The following ACE variants were observed in gnomAD, a reference collection of about 807,000 sequenced individuals.
The protein encoded by ACE is angiotensin-converting enzyme.
Under a neutral mutation model 162.3 loss-of-function variants are expected in ACE, and 122 were observed. The ratio of observed to expected loss-of-function variants is 0.75; its 90% CI spans 0.65 to 0.87. The LOEUF is 0.87. Ranked by LOEUF, ACE falls within the 40% of genes least tolerant of loss-of-function variation. The probability of loss-of-function intolerance (pLI) is 0.00; values close to 1 mark genes in which losing one functional copy is unlikely to be tolerated. For synonymous variants in ACE, 796 were observed against 720.6 expected, an observed-to-expected ratio of 1.10 and a Z score of -1.68; for missense variants, 1,799 against 1,735.1, an observed-to-expected ratio of 1.04 and a Z score of -0.65.
chr17:63,477,449 A>ACCCCGACCCCGGACCCTCG (rs1298995166), intron 1 of ACE, 106 bp downstream of exon 1: 7 of 903,134 alleles, frequency 7.8e-6, no homozygotes, highest in Non-Finnish European at 2.7e-6. Context: ...CCCGAACCCC[A>ACCCCGACCCCGGACCCTCG]CCCCGACCCC....
intron 17 of ACE, chr17:63,490,596 T>C: frequency 2.9e-6 from 1 of 343,898 alleles, no homozygotes. Context: ...ACAATGTTCT[T>C]GGTGCAGAGC....
intron 9 of ACE, 60 bp downstream of exon 9, chr17:63,483,233 C>G: frequency 1.9e-6 from 3 of 1,611,202 alleles, no homozygotes; most frequent in Non-Finnish European, 1.7e-6. Context: ...TCCTGGACAG[C>G]CAGGCGCCTC....
chr17:63,482,030 G>A (rs1438654326), intron 7 of ACE, among the ~76,000 whole-genome samples: 1 of 152,162 alleles, frequency 6.6e-6, no homozygotes, highest in African/African-American at 2.4e-5. Flanking sequence ...AGGCACGGTG[G>A]TCACACCTGT....
At position 63,477,350 on chromosome 17, in the gene ACE, GC is replaced by G; in HGVS notation, c.249+10del. The G allele has an allele frequency of 7.9e-7, 1 of 1,264,888 alleles. No homozygotes were observed. 78.4% of individuals were successfully genotyped at this position (1,264,888 alleles called of 1,614,324 possible). The stretch of plus-strand genomic sequence containing the variant: ...GGAGAATGCAAGGCGCCAGGTGGGC[GC>G]CCGGGCCCGGGCGGGGGCGGGGCGG... On this transcript the variant is annotated splice_region_variant and intron_variant, in intron 1 of 24. Coordinates refer to ENST00000290866, the MANE Select transcript of ACE (RefSeq NM_000789.4).
intron 8 of ACE, 100 bp from the exon 9 acceptor site, chr17:63,482,929 T>C: frequency 7.6e-7 from 1 of 1,323,976 alleles, no homozygotes. Context: ...TCTCTGCATC[T>C]CCCTGGCCTC....
At chr17:63,487,575 C>T (rs2030043234) in intron 15 of ACE, among the ~76,000 whole-genome samples, 1 of 152,182 alleles carries the variant, frequency 6.6e-6, no homozygotes, top group African/African-American at 2.4e-5. Flanking sequence ...CTCTCACTTC[C>T]CTCACCTACC....
chr17:63,480,012 C>G, intron 4 of ACE, 100 bp downstream of exon 4: 1 of 1,491,034 alleles, frequency 6.7e-7, no homozygotes, highest in Non-Finnish European at 9.0e-7. Context: ...GCTGGTATGA[C>G]AATTCCAGCA....
chr17:63,478,180 G>A lies in ACE; in HGVS notation c.417+82G>A, dbSNP rs749921989. On this transcript the variant is annotated intron_variant, in intron 2 of 24. Transcript: ENST00000290866. ...GGTCGGGGGAGAGCAGCCCATCAGG[G>A]AGGGAGGAACCCTGGGATCCACATG... is the stretch of plus-strand genomic sequence containing the variant. 891 of 1,518,220 alleles carry A rather than the reference G, an allele frequency of 5.9e-4. 1 individual carries two copies. The highest frequency in any genetic ancestry group is 7.4e-4 in the Non-Finnish European group (831 of 1,126,390). The allele number at this position is 1,518,220 out of a possible 1,614,324, so 94.0% of individuals were successfully genotyped here.
At position 63,491,092 on chromosome 17, in the gene ACE, G is replaced by C; in HGVS notation, c.2739+41G>C. On this transcript the variant is annotated intron_variant, in intron 18 of 24. Transcript: ENST00000290866. This position sits in a 1 kb window ranked among gnomAD's most constrained non-coding sequence, Gnocchi z 4.4. The stretch of plus-strand genomic sequence containing the variant: ...GGGGCAGGGAGGCCCCGCCGGGATG[G>C]GAGGGACCCTCTGATTCAGGAGTTC... The C allele has an allele frequency of 6.2e-7, 1 of 1,612,614 alleles. No homozygotes were observed.
intron 22 of ACE, chr17:63,496,126 C>A: frequency 2.0e-6 from 1 of 509,142 alleles, no homozygotes; most frequent in Non-Finnish European, 3.6e-6. Context: ...TGCCCTGACC[C>A]CATGGAGCAG....
At position 63,491,513 on chromosome 17, in the gene ACE, C is replaced by G. The variant is rs1305177846; in HGVS notation, c.2912+132C>G. 3.3e-6 allele frequency: 4 copies of G among 1,217,430 alleles called. No homozygotes were observed. The highest frequency in any genetic ancestry group is 4.7e-6 in the Non-Finnish European group (4 of 844,282). 75.4% of individuals were successfully genotyped at this position (1,217,430 alleles called of 1,614,324 possible). On this transcript the variant is annotated intron_variant, in intron 19 of 24. Transcript: ENST00000290866. The surrounding 1 kb of genome is among the most constrained non-coding windows in gnomAD (Gnocchi z 4.4). ...ATGGGGACAGGGCCAGAGTTTGGGA[C>G]TGAGTGTCTAGAGAGGTGTTGGCTT...
At position 63,484,370 on chromosome 17, in the gene ACE, G is replaced by A. The variant is rs2029862514; in HGVS notation, c.1750G>A (p.Val584Met). The change falls in exon 12 of 25, where the codon GTG becomes ATG. Residue 584 changes from valine (V) to methionine (M), a missense_variant. Physicochemically the swap from Val to Met is conservative, Grantham distance 21 (BLOSUM62 1). Transcript: ENST00000290866. This position sits in a 1 kb window ranked among gnomAD's most constrained non-coding sequence, Gnocchi z 4.0. ...TGGCTCCTCCAGGCCCTGGCAGGAG[G>A]TGCTGAAGGACATGGTCGGCTTAGA... ...QAGSSRPWQEVLKDMVGLDAL... is the reference protein window; with the variant it reads ...QAGSSRPWQEMLKDMVGLDAL... 1 of 1,611,688 alleles carries A rather than the reference G, an allele frequency of 6.2e-7. No homozygotes were observed. The highest frequency in any genetic ancestry group is 8.5e-7 in the Non-Finnish European group (1 of 1,179,892).
rs1451027689 is a variant in ACE, at chr17:63,496,935, T to C, written c.3641T>C (p.Leu1214Pro). ...GACTGGCTCCGCACGGAGAACGAGC[T>C]GCATGGGGAGAAGCTGGGCTGGCCG... ...LLDWLRTENE[L>P]HGEKLGWPQY... The change falls in exon 24 of 25, where the codon CTG becomes CCG. Residue 1214 changes from leucine to proline, a missense_variant. Coordinates refer to ENST00000290866, the MANE Select transcript of ACE (RefSeq NM_000789.4). 6.2e-7 allele frequency: 1 copy of C among 1,613,182 alleles called. No homozygotes were observed. Among genetic ancestry groups the C allele is most frequent in the African/African-American group, 1.3e-5 (1 of 74,910 alleles).
rs778987310 is a variant in ACE, at chr17:63,486,640, C to A, written c.2142C>A (p.Asn714Lys). 1.2e-6 allele frequency: 2 copies of A among 1,614,230 alleles called. No individual in the cohort carries two copies. Among genetic ancestry groups the A allele is most frequent in the Admixed American group, 1.7e-5 (1 of 60,028 alleles). The change falls in exon 14 of 25, where the codon AAC (asparagine) becomes AAA (lysine). Residue 714 changes from asparagine to lysine, a missense_variant. Transcript: ENST00000290866. ...AGTTTGATGTGAACCAGTTGCAGAA[C>A]ACCACTATCAAGCGGATCATAAAGA... ...ARKFDVNQLQNTTIKRIIKKV... is the reference protein window; with the variant it reads ...ARKFDVNQLQKTTIKRIIKKV...
Position 63,488,742 on chromosome 17 carries a change from G to T in ACE, c.2400G>T (p.Gln800His), listed in dbSNP as rs567706604. The change falls in exon 16 of 25, where the codon CAG becomes CAT. Residue 800 changes from glutamine (Q) to histidine (H), a missense_variant. By Grantham distance (24) the Gln-to-His change is conservative. Transcript: ENST00000290866. Reference protein sequence around the residue: ...WRDKAGRAILQFYPKYVELIN... With the variant: ...WRDKAGRAILHFYPKYVELIN... Reference sequence around the variant, plus strand: ...ACAAGGCGGGGAGAGCCATCCTCCAGTTTTACCCGAAATACGTGGAACTCA... The same window carrying T: ...ACAAGGCGGGGAGAGCCATCCTCCATTTTTACCCGAAATACGTGGAACTCA... 6.2e-7 allele frequency: 1 copy of T among 1,613,832 alleles called. No homozygotes were observed. Among genetic ancestry groups the T allele is most frequent in the South Asian group, 1.1e-5 (1 of 91,052 alleles).
At chr17:63,481,066 G>A in intron 5 of ACE, 25 bp from the exon 6 acceptor site, 1 of 1,606,536 alleles carries the variant, frequency 6.2e-7, no homozygotes, top group South Asian at 1.1e-5. Flanking sequence ...AGGGAGCCAA[G>A]CTGTCCCCTT....
Position 63,484,834 on chromosome 17 carries a change from G to T in ACE, c.1921+293G>T, listed in dbSNP as rs1339252251. The T allele has an allele frequency of 4.5e-6, 7 of 1,541,954 alleles. No individual in the cohort carries two copies. The highest frequency in any genetic ancestry group is 4.1e-5 in the African/African-American group (3 of 73,372). ...CGGGCTCCGCTCTTATTGGCCAGGG[G>T]ACGGTAGCTGCAGGACTCTGCTCTC... On this transcript the variant is annotated intron_variant, in intron 12 of 24. Coordinates refer to ENST00000290866, the MANE Select transcript of ACE (RefSeq NM_000789.4). This position sits in a 1 kb window ranked among gnomAD's most constrained non-coding sequence, Gnocchi z 4.0.
At chr17:63,481,059 G>C in intron 5 of ACE, 32 bp from the exon 6 acceptor site, 1 of 1,595,536 alleles carries the variant, frequency 6.3e-7, no homozygotes, top group Non-Finnish European at 8.6e-7. Context: ...GCCAGGCAGG[G>C]AGCCAAGCTG....
intron 20 of ACE, 53 bp from the exon 21 acceptor site, chr17:63,493,869 G>C (rs953009469): frequency 6.2e-7 from 1 of 1,613,696 alleles, no homozygotes; most frequent in Non-Finnish European, 8.5e-7. Flanking sequence ...AGGCACACCA[G>C]GGCCAAGCCG....
Sources: gnomAD v4.1 joint callset for allele counts (sites outside exome capture counted in the v4.1 genomes callset) on GRCh38, gnomAD v4.1.1 for gene constraint, Gnocchi (gnomAD v3.1) non-coding constraint, MANE v1.5 for transcripts, NCBI Gene and HGNC (gene_info 2026-07-23, HGNC 2026-07-21) for gene names.